Variants in EXOSC10 observed in about 807,000 individuals in gnomAD.
EXOSC10 encodes exosome complex component 10.
In EXOSC10, 94 loss-of-function variants were observed where a neutral mutation model predicts 126.6. The observed-to-expected ratio is 0.74, with a 90% CI of 0.63 to 0.88. The LOEUF (loss-of-function observed/expected upper bound fraction) is 0.88, where lower values mean the gene tolerates loss of function less well. Ranked by LOEUF, EXOSC10 falls within the 40% of genes least tolerant of loss-of-function variation. EXOSC10 has a pLI of 0.00. For synonymous variants in EXOSC10, 395 were observed against 400.8 expected (o/e 0.99, Z 0.17); for missense variants, 1,041 against 1,100.5 (o/e 0.95, Z 0.77).
chr1:11,091,218 C>A (rs1315584046), intron 4 of EXOSC10, 39 bp from the exon 5 acceptor site: 1 of 1,559,956 alleles, frequency 6.4e-7, no homozygotes, highest in Non-Finnish European at 8.7e-7. Flanking sequence ...AACACAGCAA[C>A]TTGATGAATT....
At chr1:11,072,421 AC>A (rs951406183) in intron 19 of EXOSC10, 1 of 401,398 alleles carries the variant, frequency 2.5e-6, no homozygotes, top group Non-Finnish European at 4.5e-6. Flanking sequence ...TCCCTCTGTA[AC>A]CCTGGGAAAA....
rs568214496 is a variant in EXOSC10 at position 11,067,992 on chromosome 1, G to T, written c.2627+16C>A. ...CTCACTGGGCTCCCTGGGCCACACC[G>T]CCGTCCACCACATACCTGTCTGACT... is the stretch of plus-strand genomic sequence containing the variant. On this transcript the variant is annotated intron_variant, in intron 24 of 24. Transcript: ENST00000376936. 2 of 1,612,268 alleles carry T rather than the reference G, an allele frequency of 1.2e-6. No homozygotes were observed. Among genetic ancestry groups the T allele is most frequent in the African/African-American group, 2.7e-5 (2 of 74,874 alleles).
intron 17 of EXOSC10, among the ~76,000 whole-genome samples, chr1:11,075,812 C>A (rs748653196): frequency 1.5e-5 from 2 of 135,344 alleles, no homozygotes; most frequent in Non-Finnish European, 3.0e-5. Context: ...CAGGATGGTG[C>A]CACTGCACTC....
intron 9 of EXOSC10, among the ~76,000 whole-genome samples, chr1:11,084,611 A>C (rs1400067385): frequency 2.6e-5 from 4 of 152,166 alleles, no homozygotes; most frequent in Non-Finnish European, 2.9e-5. Context: ...TTTGCTGTGC[A>C]GAAGCTCTTT....
chr1:11,066,873 A>C, intron 24 of EXOSC10, 125 bp from the exon 25 acceptor site: 3 of 1,163,356 alleles, frequency 2.6e-6, no homozygotes, highest in Non-Finnish European at 3.8e-6. Context: ...CAGGGGCCCC[A>C]GAGAACTCGG....
At chr1:11,088,576 T>C (rs1015129978) in intron 6 of EXOSC10, among the ~76,000 whole-genome samples, 3 of 152,222 alleles carry the variant, frequency 2.0e-5, no homozygotes, top group Non-Finnish European at 4.4e-5. Context: ...AATACTGCAG[T>C]TGGCCAAGAG....
intron 1 of EXOSC10, 174 bp downstream of exon 1, chr1:11,099,547 T>G: frequency 3.3e-6 from 2 of 607,020 alleles, no homozygotes; most frequent in Non-Finnish European, 5.3e-6. Context: ...AGTGTCCGTT[T>G]CCGAGGCCCC....
At chr1:11,069,762 C>G (rs761392094) in intron 21 of EXOSC10, 32 bp from the exon 22 acceptor site, 3 of 1,608,992 alleles carry the variant, frequency 1.9e-6, no homozygotes, top group Non-Finnish European at 1.7e-6. Context: ...GGGGGAGGAA[C>G]AGGGAGGCAC....
chr1:11,076,968 T>C lies in EXOSC10; in HGVS notation c.1880-20A>G, dbSNP rs1410244965. The C allele has an allele frequency of 1.3e-6, 2 of 1,579,198 alleles. No individual in the cohort carries two copies. The highest frequency in any genetic ancestry group is 1.3e-5 in the African/African-American group (1 of 74,288). On this transcript the variant is annotated intron_variant, in intron 16 of 24. Transcript: ENST00000376936. ...CAGATCCTAGAGGAGCAGAAGATAG[T>C]AAGGTCAAAGCCTACAGAATTTTGT...
At chr1:11,087,639 T>A in intron 8 of EXOSC10, 48 bp from the exon 9 acceptor site, 1 of 1,598,086 alleles carries the variant, frequency 6.3e-7, no homozygotes, top group Non-Finnish European at 8.5e-7. Flanking sequence ...AAGATTATAT[T>A]AGACTTTCCT....
intron 19 of EXOSC10, 39 bp from the exon 20 acceptor site, chr1:11,072,210 A>G: frequency 6.6e-7 from 1 of 1,504,298 alleles, no homozygotes. Flanking sequence ...AACCCTCCAA[A>G]GTCAGCCACC....
rs151047804 is a variant in EXOSC10, at chr1:11,082,327, G to GCA, written c.1280+359_1280+360dup. Among the ~76,000 whole-genome samples, 782 of 149,466 alleles carry GCA rather than the reference G, an allele frequency of 5.2e-3. 23 individuals carry two copies. The East Asian group carries it at 0.07, about 13-fold the overall frequency. On this transcript the variant is annotated intron_variant, in intron 10 of 24. Transcript: ENST00000376936. ...TTTCCCACCTATGGAAGGTCATCTT[G>GCA]CACACACACACACACACACAATCAT...
At position 11,077,413 on chromosome 1, in the gene EXOSC10, C is replaced by A; in HGVS notation, c.1831G>T (p.Asp611Tyr). The change falls in exon 16 of 25, where the codon GAC becomes TAC. Residue 611 changes from aspartate (D) to tyrosine (Y), a missense_variant. Asp to Tyr is a radical substitution (Grantham distance 160, BLOSUM62 -3). Coordinates refer to ENST00000376936, the MANE Select transcript of EXOSC10 (RefSeq NM_001001998.3). Reference sequence around the variant, plus strand: ...CCATCCGGAGGGGCATGGGAGCAGTCGTGAGGTCCAAAGAGAACATTCTCC... The same window carrying A: ...CCATCCGGAGGGGCATGGGAGCAGTAGTGAGGTCCAAAGAGAACATTCTCC... ...RLENVLFGPH[D>Y]CSHAPPDGYP... is the part of the protein sequence containing the mutation. 6.2e-7 allele frequency: 1 copy of A among 1,614,022 alleles called. No individual in the cohort carries two copies. The highest frequency in any genetic ancestry group is 1.1e-5 in the South Asian group (1 of 91,046).
chr1:11,068,729 G>A, intron 22 of EXOSC10, 23 bp from the exon 23 acceptor site: 1 of 1,603,106 alleles, frequency 6.2e-7, no homozygotes, highest in Non-Finnish European at 8.5e-7. Context: ...AGATGAGAGA[G>A]ACCTGCGGTC....
chr1:11,080,705 C>T, intron 12 of EXOSC10, 59 bp downstream of exon 12: 1 of 1,605,152 alleles, frequency 6.2e-7, no homozygotes, highest in Non-Finnish European at 8.5e-7. Flanking sequence ...CCATTATTTA[C>T]TTGTTATTAG....
chr1:11,093,816 A>G (rs1442366260), intron 3 of EXOSC10, among the ~76,000 whole-genome samples: 1 of 152,096 alleles, frequency 6.6e-6, no homozygotes, highest in Non-Finnish European at 1.5e-5. Context: ...CTATAATCCT[A>G]GTGACTAAGG....
chr1:11,088,320 C>T (rs1187760520), intron 6 of EXOSC10, 122 bp from the exon 7 acceptor site: 3 of 622,864 alleles, frequency 4.8e-6, no homozygotes, highest in Non-Finnish European at 8.1e-6. Flanking sequence ...AATATCTTCC[C>T]TTTACAAAGA....
At chr1:11,072,477 C>T (rs558508151) in intron 19 of EXOSC10, 31 of 269,010 alleles carry the variant, frequency 1.2e-4, no homozygotes, top group African/African-American at 6.4e-4. Flanking sequence ...AAACAGACTC[C>T]GGGAGAGTAA....
chr1:11,099,108 T>G (rs913493624), intron 1 of EXOSC10, among the ~76,000 whole-genome samples: 1 of 152,252 alleles, frequency 6.6e-6, no homozygotes, highest in Non-Finnish European at 1.5e-5. Context: ...ACAAATTATT[T>G]TAGTTTCATT....
Sources: gnomAD v4.1 joint callset for allele counts (sites outside exome capture counted in the v4.1 genomes callset) on GRCh38, gnomAD v4.1.1 for gene constraint, MANE v1.5 for transcripts, NCBI Gene and HGNC (gene_info 2026-07-23, HGNC 2026-07-21) for gene names.